Variants in CNTNAP5 observed in about 807,000 individuals in gnomAD.
CNTNAP5 encodes contactin-associated protein-like 5.
In CNTNAP5, 72 loss-of-function variants were observed where a neutral mutation model predicts 150.2. The observed-to-expected ratio is 0.48, with a 90% CI of 0.40 to 0.58. The LOEUF is 0.58. Among genes scored for constraint, CNTNAP5 ranks in the 20% least tolerant of loss-of-function variants. The pLI, the probability that CNTNAP5 is intolerant of heterozygous loss-of-function variation, is 0.00. For synonymous variants in CNTNAP5, 672 were observed against 619.8 expected (o/e 1.08, Z -1.25); for missense variants, 1,636 against 1,626.2 (o/e 1.01, Z -0.10).
At chr2:124,239,295 C>A (rs369672165) in intron 2 of CNTNAP5, among the ~76,000 whole-genome samples, 3 of 151,952 alleles carry the variant, frequency 2.0e-5, no homozygotes, top group Admixed American at 6.6e-5. Context: ...TGTTTCCATT[C>A]TTCATGTAAG....
At chr2:124,324,272 C>A (rs922221033) in intron 3 of CNTNAP5, among the ~76,000 whole-genome samples, 2 of 152,108 alleles carry the variant, frequency 1.3e-5, no homozygotes, top group Admixed American at 6.6e-5. Context: ...TTCTAGGCAG[C>A]CTGGGAGTCC....
intron 1 of CNTNAP5, among the ~76,000 whole-genome samples, chr2:124,057,194 T>G (rs1681873848): frequency 6.6e-6 from 1 of 152,094 alleles, no homozygotes; most frequent in Non-Finnish European, 1.5e-5. Context: ...ACCCTCACTG[T>G]GTAACACCAC....
intron 1 of CNTNAP5, among the ~76,000 whole-genome samples, chr2:124,174,781 A>G (rs1387995834): frequency 5.9e-5 from 9 of 152,226 alleles, no homozygotes; most frequent in Non-Finnish European, 5.9e-5. Context: ...AGGCTATCAA[A>G]GAGCATCACA....
At chr2:124,904,582 T>G (rs1678488666) in intron 22 of CNTNAP5, among the ~76,000 whole-genome samples, 1 of 152,140 alleles carries the variant, frequency 6.6e-6, no homozygotes, top group South Asian at 2.1e-4. Flanking sequence ...CAGGCTTATT[T>G]AATCAACTAA....
intron 3 of CNTNAP5, among the ~76,000 whole-genome samples, chr2:124,328,299 A>G (rs987367670): frequency 6.6e-6 from 1 of 152,154 alleles, no homozygotes; most frequent in Admixed American, 6.5e-5. Flanking sequence ...TGTTCTTCAA[A>G]CCAGTAGTTT....
intron 3 of CNTNAP5, among the ~76,000 whole-genome samples, chr2:124,410,398 C>A (rs914355869): frequency 6.6e-6 from 1 of 151,606 alleles, no homozygotes; most frequent in African/African-American, 2.4e-5. Flanking sequence ...ATGTACAGAA[C>A]TCTCCACCCC....
chr2:124,104,577 G>A (rs1164007079), intron 1 of CNTNAP5, among the ~76,000 whole-genome samples: 1 of 152,114 alleles, frequency 6.6e-6, no homozygotes, highest in African/African-American at 2.4e-5. Context: ...TTTCCCGACT[G>A]TCAAATCCAA....
At chr2:124,843,800 A>G (rs1468081561) in intron 19 of CNTNAP5, among the ~76,000 whole-genome samples, 4 of 151,746 alleles carry the variant, frequency 2.6e-5, no homozygotes, top group African/African-American at 9.7e-5. Context: ...CTATTTGTAT[A>G]TTTTCTTTTG....
chr2:124,091,492 T>C (rs1025021006), intron 1 of CNTNAP5, among the ~76,000 whole-genome samples: 1 of 152,160 alleles, frequency 6.6e-6, no homozygotes, highest in African/African-American at 2.4e-5. Context: ...TTAGTTTTTA[T>C]CACTTTGAAC....
intron 7 of CNTNAP5, among the ~76,000 whole-genome samples, chr2:124,477,719 C>A (rs1321065881): frequency 2.0e-5 from 3 of 149,670 alleles, no homozygotes; most frequent in African/African-American, 7.4e-5. Context: ...CACACTCATT[C>A]CTATCCCTTT....
chr2:124,416,262 CAA>C (rs1691914606), intron 3 of CNTNAP5, among the ~76,000 whole-genome samples: 1 of 151,870 alleles, frequency 6.6e-6, no homozygotes, highest in African/African-American at 2.4e-5. Context: ...AGTTGTATGT[CAA>C]AGTGTCATGT....
rs760831784 is a variant in CNTNAP5 at position 124,419,988 on chromosome 2, C to CTTTCTTTTTTTT, written c.529+2401_529+2402insCTTTTTTTTTTT. On this transcript the variant is annotated intron_variant, in intron 4 of 23. Transcript: ENST00000682447. ...TCTCTCTCTCTTTCTTTCTTTCTTT[C>CTTTCTTTTTTTT]TTTTTTTTTTTTTTTTTTTTTGAGA... is the stretch of plus-strand genomic sequence containing the variant. Among the ~76,000 whole-genome samples the CTTTCTTTTTTTT allele has an allele frequency of 2.5e-5, 2 of 78,888 alleles. 1 individual carries two copies. The highest frequency in any genetic ancestry group is 9.9e-5 in the African/African-American group (2 of 20,256). 51.8% of individuals were successfully genotyped at this position (78,888 alleles called of 152,430 possible).
At chr2:124,172,484 C>T (rs1423846425) in intron 1 of CNTNAP5, among the ~76,000 whole-genome samples, 1 of 152,188 alleles carries the variant, frequency 6.6e-6, no homozygotes, top group South Asian at 2.1e-4. Context: ...CGAGTCTGGG[C>T]TCACTGCCAC....
intron 3 of CNTNAP5, among the ~76,000 whole-genome samples, chr2:124,354,650 T>A (rs1689954206): frequency 1.3e-5 from 2 of 152,214 alleles, no homozygotes. Context: ...AAAAGCTATT[T>A]GAGCCAGTTC....
chr2:124,065,825 A>G (rs1375991581), intron 1 of CNTNAP5, among the ~76,000 whole-genome samples: 1 of 152,194 alleles, frequency 6.6e-6, no homozygotes, highest in East Asian at 1.9e-4. Context: ...CAAAATCAAA[A>G]GTAAAAAATC....
intron 7 of CNTNAP5, among the ~76,000 whole-genome samples, chr2:124,500,199 C>G (rs1504002): frequency 0.85 from 129,346 of 152,134 alleles, 55,145 homozygotes; most frequent in East Asian, 1. Flanking sequence ...AAACACACAG[C>G]GCCACACCCA....
chr2:124,642,642 A>G (rs1263960915), intron 12 of CNTNAP5, among the ~76,000 whole-genome samples: 1 of 152,120 alleles, frequency 6.6e-6, no homozygotes, highest in African/African-American at 2.4e-5. Context: ...CTCTTCCTTT[A>G]CTTGTAGTCT....
intron 2 of CNTNAP5, among the ~76,000 whole-genome samples, chr2:124,224,962 C>A (rs1686419661): frequency 6.6e-6 from 1 of 152,054 alleles, no homozygotes; most frequent in Admixed American, 6.6e-5. Context: ...TTTAATGTGT[C>A]TTCCTTTAAA....
chr2:124,150,858 G>A (rs568178747), intron 1 of CNTNAP5, among the ~76,000 whole-genome samples: 9 of 152,262 alleles, frequency 5.9e-5, no homozygotes, highest in South Asian at 2.1e-4. Flanking sequence ...CATTTAGTCC[G>A]TAGTATGGAT....
Sources: allele counts gnomAD v4.1 joint callset (sites outside exome capture counted in the v4.1 genomes callset), GRCh38; gene constraint gnomAD v4.1.1; transcripts MANE v1.5; gene names NCBI Gene and HGNC (gene_info 2026-07-23, HGNC 2026-07-21).